The following CSMD3 variants were observed in gnomAD, a reference collection of about 807,000 sequenced individuals.
The protein encoded by CSMD3 is CUB and sushi domain-containing protein 3.
A neutral mutation model predicts 435.2 loss-of-function variants in CSMD3; 177 were observed. The ratio of observed to expected loss-of-function variants is 0.41; its 90% CI spans 0.36 to 0.46. The LOEUF (loss-of-function observed/expected upper bound fraction) is 0.46. Ranked by LOEUF, CSMD3 falls within the 20% of genes least tolerant of loss-of-function variation. The pLI is 0.34. For missense variants in CSMD3, 4,265 were observed against 4,504.6 expected, an observed-to-expected ratio of 0.95 and a Z score of 1.52; for synonymous variants, 1,656 against 1,520.5, an observed-to-expected ratio of 1.09 and a Z score of -2.07.
chr8:112,225,874 C>A (rs917083195), intron 70 of CSMD3, among the ~76,000 whole-genome samples: 1 of 152,196 alleles, frequency 6.6e-6, no homozygotes, highest in East Asian at 1.9e-4. Flanking sequence ...TTTATTTCTT[C>A]CACCTTTGAC....
At chr8:113,156,232 A>G (rs1252623599) in intron 4 of CSMD3, among the ~76,000 whole-genome samples, 1 of 152,088 alleles carries the variant, frequency 6.6e-6, no homozygotes, top group Admixed American at 6.6e-5. Flanking sequence ...TGTGCCAAAT[A>G]GAAATAGGTG....
intron 6 of CSMD3, among the ~76,000 whole-genome samples, chr8:112,987,472 T>C (rs1349057447): frequency 7.2e-5 from 11 of 152,126 alleles, no homozygotes; most frequent in Admixed American, 7.2e-4. Flanking sequence ...GAGCACTTAG[T>C]ATTTGCCAGA....
chr8:112,335,616 A>T, intron 44 of CSMD3, 142 bp from the exon 45 acceptor site: 1 of 738,884 alleles, frequency 1.4e-6, no homozygotes, highest in African/African-American at 1.7e-5. Flanking sequence ...CAATGAGTAC[A>T]AATTATATAT....
chr8:113,062,073 T>C (rs1195600937), intron 5 of CSMD3, among the ~76,000 whole-genome samples: 2 of 151,880 alleles, frequency 1.3e-5, no homozygotes, highest in Non-Finnish European at 3.0e-5. Flanking sequence ...TATTATTTTC[T>C]ACTTTTAATT....
intron 10 of CSMD3, among the ~76,000 whole-genome samples, chr8:112,868,524 C>T (rs560954974): frequency 6.6e-6 from 1 of 152,218 alleles, no homozygotes; most frequent in African/African-American, 2.4e-5. Flanking sequence ...TAAGATGTGA[C>T]AATGGCTACA....
intron 59 of CSMD3, among the ~76,000 whole-genome samples, chr8:112,270,218 A>C (rs1817339698): frequency 6.6e-6 from 1 of 152,134 alleles, no homozygotes; most frequent in Non-Finnish European, 1.5e-5. Context: ...TGGAGACCTT[A>C]CCATTATTAT....
intron 6 of CSMD3, among the ~76,000 whole-genome samples, chr8:112,983,941 G>A (rs984135516): frequency 2.0e-5 from 3 of 151,876 alleles, no homozygotes; most frequent in Non-Finnish European, 2.9e-5. Context: ...GGCCAAAAAC[G>A]TCTTACTTTC....
chr8:113,232,810 G>A (rs1375566246), intron 3 of CSMD3, among the ~76,000 whole-genome samples: 4 of 151,286 alleles, frequency 2.6e-5, no homozygotes, highest in African/African-American at 4.8e-5. Context: ...CAACCTAAAC[G>A]AAGAAAAAAA....
chr8:113,354,606 A>G (rs2094209673), intron 1 of CSMD3, among the ~76,000 whole-genome samples: 1 of 152,172 alleles, frequency 6.6e-6, no homozygotes, highest in Non-Finnish European at 1.5e-5. Context: ...CCAAAGTAAC[A>G]TAACATAGAA....
At chr8:112,640,997 A>G (rs2074809431) in intron 20 of CSMD3, among the ~76,000 whole-genome samples, 1 of 152,186 alleles carries the variant, frequency 6.6e-6, no homozygotes, top group Non-Finnish European at 1.5e-5. Context: ...CGGTGCCAAC[A>G]AAGCCACTGT....
intron 11 of CSMD3, among the ~76,000 whole-genome samples, chr8:112,831,480 T>C (rs1461797058): frequency 6.6e-6 from 1 of 152,082 alleles, no homozygotes; most frequent in Admixed American, 6.5e-5. Flanking sequence ...TTTTCCAAAA[T>C]TGTTTTACCA....
At chr8:113,396,917 C>A (rs1048760295) in intron 1 of CSMD3, among the ~76,000 whole-genome samples, 1 of 152,040 alleles carries the variant, frequency 6.6e-6, no homozygotes, top group Non-Finnish European at 1.5e-5. Flanking sequence ...GGGATTTTGT[C>A]TTCTTCACTA....
intron 10 of CSMD3, among the ~76,000 whole-genome samples, chr8:112,900,918 T>C (rs939265282): frequency 4.0e-5 from 6 of 151,152 alleles, no homozygotes; most frequent in Admixed American, 1.3e-4. Flanking sequence ...GAATCAGAGA[T>C]AGCCATCCTA....
At chr8:113,315,859 C>T (rs1227350262) in intron 1 of CSMD3, among the ~76,000 whole-genome samples, 2 of 151,788 alleles carry the variant, frequency 1.3e-5, no homozygotes, top group Admixed American at 6.6e-5. Flanking sequence ...GCTGGAATTA[C>T]AGACATGCAC....
chr8:113,371,183 C>T (rs1429999508), intron 1 of CSMD3, among the ~76,000 whole-genome samples: 2 of 152,046 alleles, frequency 1.3e-5, no homozygotes, highest in Non-Finnish European at 2.9e-5. Flanking sequence ...GAGTTGCTTA[C>T]ATATTTGTCT....
At chr8:113,221,530 T>C (rs1240720147) in intron 3 of CSMD3, among the ~76,000 whole-genome samples, 2 of 151,354 alleles carry the variant, frequency 1.3e-5, no homozygotes, top group Non-Finnish European at 3.0e-5. Context: ...AAAAATTTAA[T>C]ATAAAGCAAA....
At chr8:113,152,790 C>A (rs1021076377) in intron 4 of CSMD3, among the ~76,000 whole-genome samples, 1 of 151,644 alleles carries the variant, frequency 6.6e-6, no homozygotes, top group Admixed American at 6.6e-5. Flanking sequence ...ACTAGCCTGG[C>A]CAACATTGTG....
intron 1 of CSMD3, among the ~76,000 whole-genome samples, chr8:113,409,079 C>CTTTTTTTTT (rs1218107775): frequency 1.0e-3 from 102 of 99,086 alleles, no homozygotes; most frequent in East Asian, 1.4e-3. Flanking sequence ...TCTTCTTCTT[C>CTTTTTTTTT]TTTTTTTTTT....
At chr8:113,434,054 G>A (rs1038140064) in intron 1 of CSMD3, among the ~76,000 whole-genome samples, 1 of 152,168 alleles carries the variant, frequency 6.6e-6, no homozygotes, top group African/African-American at 2.4e-5. Context: ...AGCCCCACCC[G>A]AGTGGTTCAG....
Sources: gnomAD v4.1 joint callset for allele counts (sites outside exome capture counted in the v4.1 genomes callset) on GRCh38, gnomAD v4.1.1 for gene constraint, MANE v1.5 for transcripts, NCBI Gene and HGNC (gene_info 2026-07-23, HGNC 2026-07-21) for gene names.